NR2F2: variants seen among roughly 807,000 people sequenced by gnomAD.
The protein encoded by NR2F2 is COUP transcription factor 2.
Under a neutral mutation model 34.8 loss-of-function variants are expected in NR2F2, and 2 were observed. The ratio of observed to expected loss-of-function variants is 0.06; its 90% CI spans 0.02 to 0.18. The LOEUF is 0.18. Ranked by LOEUF, NR2F2 falls within the 10% of genes least tolerant of loss-of-function variation. The probability of loss-of-function intolerance (pLI) is 1.00; values close to 1 mark genes in which losing one functional copy is unlikely to be tolerated. For missense variants in NR2F2, 300 were observed against 580.1 expected (o/e 0.52, Z 4.96); for synonymous variants, 274 against 251.8 (o/e 1.09, Z -0.84).
At position 96,330,816 on chromosome 15, in the gene NR2F2, GC is replaced by G; in HGVS notation, c.-1289del. The G allele has an allele frequency of 1.8e-6, 2 of 1,096,334 alleles. No homozygotes were observed. The highest frequency in any genetic ancestry group is 2.3e-6 in the Non-Finnish European group (2 of 888,354). The allele number at this position is 1,096,334 out of a possible 1,614,324, so 67.9% of individuals were successfully genotyped here. On this transcript the variant is annotated 5_prime_UTR_variant, in exon 1 of 3. Coordinates refer to ENST00000394166, the MANE Select transcript of NR2F2 (RefSeq NM_021005.4). Reference sequence around the variant, plus strand: ...TCTTTTCTCTCCGCGGTGTGTGTGTGCGTGCGCGCGTGTGTGTTTTCTTCTT... The same window carrying G: ...TCTTTTCTCTCCGCGGTGTGTGTGTGGTGCGCGCGTGTGTGTTTTCTTCTT...
chr15:96,334,392 T>G lies in NR2F2; in HGVS notation c.759T>G (p.Phe253Leu), dbSNP rs1243616528. 1 of 1,614,082 alleles carries G rather than the reference T, an allele frequency of 6.2e-7. No homozygotes were observed. Among genetic ancestry groups the G allele is most frequent in the East Asian group, 2.2e-5 (1 of 44,862 alleles). ...TTCGCCTCACCTGGAGCGAGCTGTT[T>G]GTGTTGAATGCGGCGCAGTGCTCCA... ...ALLRLTWSELFVLNAAQCSMP... is the reference protein window; with the variant it reads ...ALLRLTWSELLVLNAAQCSMP... Residue 253 changes from phenylalanine (F) to leucine (L), a missense_variant, in exon 2 of 3, where the codon TTT becomes TTG. Transcript: ENST00000394166.
At chr15:96,335,545 C>G (rs1899299246) in intron 2 of NR2F2, among the ~76,000 whole-genome samples, 1 of 152,224 alleles carries the variant, frequency 6.6e-6, no homozygotes, top group Admixed American at 6.5e-5. Context: ...AACCCCCTTT[C>G]ACATTCTTGT....
At position 96,332,014 on chromosome 15, in the gene NR2F2, G is replaced by A; in HGVS notation, c.-92G>A. 1 of 1,224,554 alleles carries A rather than the reference G, an allele frequency of 8.2e-7. No homozygotes were observed. Among genetic ancestry groups the A allele is most frequent in the Non-Finnish European group, 1.0e-6 (1 of 982,568 alleles). 75.9% of individuals were successfully genotyped at this position (1,224,554 alleles called of 1,614,324 possible). A position where few individuals can be genotyped will look rare whatever the true frequency, so the allele number is the denominator to read the frequency against. On this transcript the variant is annotated 5_prime_UTR_variant, in exon 1 of 3. Transcript: ENST00000394166. Reference sequence around the variant, plus strand: ...TGCACCCTCGCACACACAAAAGGCGGCGCGCCGGAGCCCGAGACCCGGGGA... The same window carrying A: ...TGCACCCTCGCACACACAAAAGGCGACGCGCCGGAGCCCGAGACCCGGGGA...
At chr15:96,330,318 C>T (rs1312527311), upstream of NR2F2, among the ~76,000 whole-genome samples, 2 of 151,904 alleles carry the variant, frequency 1.3e-5, no homozygotes, top group Non-Finnish European at 2.9e-5. Context: ...GCTAGTCTCC[C>T]CGCCGGGGCG....
intron 2 of NR2F2, 96 bp from the exon 3 acceptor site, chr15:96,337,252 C>G (rs1899354055): frequency 7.0e-6 from 10 of 1,435,470 alleles, no homozygotes; most frequent in Non-Finnish European, 9.5e-6. Flanking sequence ...TCATGTGACC[C>G]AATTCAAACC....
At chr15:96,335,580 G>T (rs1053121889) in intron 2 of NR2F2, among the ~76,000 whole-genome samples, 1 of 152,162 alleles carries the variant, frequency 6.6e-6, no homozygotes, top group Non-Finnish European at 1.5e-5. Context: ...TGATCCTTTT[G>T]TCATGGCTGA....
intron 1 of NR2F2, chr15:96,333,214 A>G (rs1899205284): frequency 2.6e-6 from 1 of 381,044 alleles, no homozygotes; most frequent in South Asian, 1.1e-4. Context: ...GGTCTTTGTG[A>G]TATAAAATTC....
Position 96,330,776 on chromosome 15 carries a change from A to C in NR2F2, c.-1330A>C, listed in dbSNP as rs2141164792. 2.2e-6 allele frequency: 2 copies of C among 917,416 alleles called. No individual in the cohort carries two copies. The highest frequency in any genetic ancestry group is 1.4e-6 in the Non-Finnish European group (1 of 738,852). 56.8% of individuals were successfully genotyped at this position (917,416 alleles called of 1,614,324 possible). On this transcript the variant is annotated 5_prime_UTR_variant, in exon 1 of 3. Coordinates refer to ENST00000394166, the MANE Select transcript of NR2F2 (RefSeq NM_021005.4). ...GCCCCCCTTTTTAGCATATTTGATC[A>C]CTTTGATTCTCTGTTCTTTTCTCTC...
chr15:96,336,258 G>A (rs1899324494), intron 2 of NR2F2, among the ~76,000 whole-genome samples: 1 of 152,200 alleles, frequency 6.6e-6, no homozygotes, highest in Non-Finnish European at 1.5e-5. Flanking sequence ...AGAGATAAAG[G>A]TTCCTGTTAT....
chr15:96,326,106 C>G (rs2141160857), upstream of NR2F2: 1 of 615,154 alleles, frequency 1.6e-6, no homozygotes, highest in Non-Finnish European at 2.9e-6. The surrounding 1 kb of genome is among the most constrained non-coding windows in gnomAD (Gnocchi z 5.5). Flanking sequence ...GAAGCACTTC[C>G]TTGAGGTGGA....
chr15:96,337,304 TC>T lies in NR2F2; in HGVS notation c.971-43del, dbSNP rs747827021. On this transcript the variant is annotated intron_variant, in intron 2 of 2. Transcript: ENST00000394166. ...GAATTCTTCTTCTTCTTCTTCTTCT[TC>T]TTTTTCTTCTTCTTCTTCTTCTGTT... The T allele has an allele frequency of 3.1e-3, 4,929 of 1,573,190 alleles. 121 individuals carry two copies. The African/African-American group carries it at 0.058, about 18-fold the overall frequency.
rs1899361524 is a variant in NR2F2, at chr15:96,337,336, A to C, written c.971-12A>C. ...CTTCTTCTTCTTCTTCTGTTTTTAA[A>C]CTTTCTTCCAGATGCCTGTGGTCTC... is the stretch of plus-strand genomic sequence containing the variant. On this transcript the variant is annotated splice_polypyrimidine_tract_variant and intron_variant, in intron 2 of 2. Coordinates refer to ENST00000394166, the MANE Select transcript of NR2F2 (RefSeq NM_021005.4). 1.3e-6 allele frequency: 2 copies of C among 1,599,520 alleles called. No individual in the cohort carries two copies. Among genetic ancestry groups the C allele is most frequent in the Non-Finnish European group, 8.5e-7 (1 of 1,172,550 alleles).
At chr15:96,337,281 ATTCTTCTTCTTC>A in intron 2 of NR2F2, 55 bp from the exon 3 acceptor site, 7 of 1,499,060 alleles carry the variant, frequency 4.7e-6, no homozygotes, top group Non-Finnish European at 5.5e-6. Context: ...TGATGACTGA[ATTCTTCTTCTTC>A]TTCTTCTTCT....
At chr15:96,327,374 T>C (rs1455960686), upstream of NR2F2, 1 of 152,204 alleles carries the variant, frequency 6.6e-6, no homozygotes, top group Non-Finnish European at 1.5e-5. Context: ...CTCCTTTTCT[T>C]TTAAAGTTGA....
chr15:96,339,761 C>T lies in NR2F2; in HGVS notation c.*2139C>T, dbSNP rs1414548534. ...CTCTTTTCCTGGTTTGGAGGAAGCTCGGTGCTGGGAGCTTGCAATTTTGTT... is the reference window on the plus strand; with the variant it reads ...CTCTTTTCCTGGTTTGGAGGAAGCTTGGTGCTGGGAGCTTGCAATTTTGTT... On this transcript the variant is annotated 3_prime_UTR_variant, in exon 3 of 3. Coordinates refer to ENST00000394166, the MANE Select transcript of NR2F2 (RefSeq NM_021005.4). 6.6e-6 allele frequency: 1 copy of T among 151,838 alleles called. No homozygotes were observed. The highest frequency in any genetic ancestry group is 2.4e-5 in the African/African-American group (1 of 41,284). The allele number at this position is 151,838 out of a possible 1,614,324, so 9.4% of individuals were successfully genotyped here.
At chr15:96,328,289 A>G (rs1314164319), upstream of NR2F2, among the ~76,000 whole-genome samples, 1 of 152,256 alleles carries the variant, frequency 6.6e-6, no homozygotes, top group Non-Finnish European at 1.5e-5. Context: ...ATCTAAGGCC[A>G]TCACGCATAC....
At position 96,331,273 on chromosome 15, in the gene NR2F2, C is replaced by T. The variant is rs932725516; in HGVS notation, c.-833C>T. ...GAGAGAGCGAGGCGCGCGCCGGACG[C>T]CCGGGGCAGGCGGCGGCGGCGGCGG... On this transcript the variant is annotated 5_prime_UTR_variant, in exon 1 of 3. Coordinates refer to ENST00000394166, the MANE Select transcript of NR2F2 (RefSeq NM_021005.4). The T allele has an allele frequency of 5.0e-6, 5 of 1,010,028 alleles. No homozygotes were observed. In the African/African-American group the frequency reaches 7.0e-5, roughly 14 times the overall value. The allele number at this position is 1,010,028 out of a possible 1,614,324, so 62.6% of individuals were successfully genotyped here.
rs1899120097 is a variant in NR2F2 at position 96,330,992 on chromosome 15, T to C, written c.-1114T>C. On this transcript the variant is annotated 5_prime_UTR_variant, in exon 1 of 3. Transcript: ENST00000394166. ...GTGATCTGCCCTCCTCTCTCTCTTTTATCATTTCTCCCCCGCCGCCGGCGA... is the reference window on the plus strand; with the variant it reads ...GTGATCTGCCCTCCTCTCTCTCTTTCATCATTTCTCCCCCGCCGCCGGCGA... The C allele has an allele frequency of 2.5e-6, 3 of 1,208,632 alleles. No homozygotes were observed. Among genetic ancestry groups the C allele is most frequent in the East Asian group, 3.3e-5 (1 of 30,392 alleles). The allele number at this position is 1,208,632 out of a possible 1,614,324, so 74.9% of individuals were successfully genotyped here.
At chr15:96,335,216 G>A (rs1313158127) in intron 2 of NR2F2, among the ~76,000 whole-genome samples, 2 of 152,230 alleles carry the variant, frequency 1.3e-5, no homozygotes, top group Admixed American at 6.5e-5. Flanking sequence ...TCTTCAGAAT[G>A]TCTGCAGGAG....
Sources: gnomAD v4.1 joint callset for allele counts (sites outside exome capture counted in the v4.1 genomes callset) on GRCh38, gnomAD v4.1.1 for gene constraint, Gnocchi (gnomAD v3.1) non-coding constraint, MANE v1.5 for transcripts, NCBI Gene and HGNC (gene_info 2026-07-23, HGNC 2026-07-21) for gene names.